RBBP6: variants seen among roughly 807,000 people sequenced by gnomAD.
RBBP6 encodes the protein RB binding protein 6, ubiquitin ligase, also known as E3 ubiquitin-protein ligase RBBP6.
Under a neutral mutation model 167.7 loss-of-function variants are expected in RBBP6, and 25 were observed. That is an observed-to-expected ratio of 0.15 (90% CI 0.11 to 0.21). The LOEUF is 0.21. Among genes scored for constraint, RBBP6 ranks in the 10% least tolerant of loss-of-function variants. The pLI is 1.00. For missense variants in RBBP6, 1,868 were observed against 2,134.2 expected (o/e 0.88, Z 2.46); for synonymous variants, 789 against 735.8 (o/e 1.07, Z -1.17).
chr16:24,558,101 A>T (rs532899018), intron 7 of RBBP6, among the ~76,000 whole-genome samples: 1 of 152,224 alleles, frequency 6.6e-6, no homozygotes, highest in African/African-American at 2.4e-5. Flanking sequence ...TTACAGACAC[A>T]ATTAAGAGCA....
At position 24,571,454 on chromosome 16, in the gene RBBP6, C is replaced by T; in HGVS notation, c.4388C>T (p.Ser1463Leu). ...AAACATGATTCCACTCGTGCTTCCTCAAATAAAGACTTCACTCCCAATAGA... is the reference window on the plus strand; with the variant it reads ...AAACATGATTCCACTCGTGCTTCCTTAAATAAAGACTTCACTCCCAATAGA... The part of the protein sequence containing the change: ...SDKHDSTRAS[S>L]NKDFTPNRDK... The change falls in exon 18 of 18, where the codon TCA becomes TTA. Residue 1463 changes from serine to leucine, a missense_variant. By Grantham distance (145) the Ser-to-Leu change is moderately radical (BLOSUM62 -2). This residue lies in a region of RBBP6 where 591 missense variants were observed against 540.5 expected (regional missense o/e 1.09). Coordinates refer to ENST00000319715, the MANE Select transcript of RBBP6 (RefSeq NM_006910.5). 5 of 1,612,768 alleles carry T rather than the reference C, an allele frequency of 3.1e-6. No homozygotes were observed. Among genetic ancestry groups the T allele is most frequent in the Middle Eastern group, 3.3e-4 (2 of 6,054 alleles).
At chr16:24,555,725 A>G in intron 5 of RBBP6, 22 bp downstream of exon 5, 1 of 1,605,462 alleles carries the variant, frequency 6.2e-7, no homozygotes, top group Non-Finnish European at 8.5e-7. Flanking sequence ...AATATTTTAT[A>G]CTAATAGGAA....
chr16:24,572,437 A>G lies in RBBP6; in HGVS notation c.5371A>G (p.Thr1791Ala), dbSNP rs2141481250. 1 of 1,524,662 alleles carries G rather than the reference A, an allele frequency of 6.6e-7. No homozygotes were observed. Among genetic ancestry groups the G allele is most frequent in the East Asian group, 2.4e-5 (1 of 40,818 alleles). 94.4% of individuals were successfully genotyped at this position (1,524,662 alleles called of 1,614,324 possible). Residue 1791 changes from threonine (T) to alanine (A), a missense_variant, in exon 18 of 18, where the codon ACT becomes GCT. Physicochemically the swap from Thr to Ala is moderately conservative, Grantham distance 58 (BLOSUM62 0). Transcript: ENST00000319715. ...EKDDQKVKSV[T>A]V ...AGATGACCAAAAAGTGAAATCTGTC[A>G]CTGTGTAAAAAGACAGATTTTTTAA...
Position 24,562,152 on chromosome 16 carries a change from G to T in RBBP6, c.1280G>T (p.Gly427Val). ...TCAGTTCATTCAGAAAAATCAGATG[G>T]ACCTTTTCGGTAAGCCTGTGTGTTT... ...SISVHSEKSD[G>V]PFRDSDNKIL... Residue 427 changes from glycine to valine, a missense_variant, in exon 10 of 18, where the codon GGA becomes GTA. By Grantham distance (109) the Gly-to-Val change is moderately radical. This residue lies in a region of RBBP6 where 245 missense variants were observed against 240.1 expected (regional missense o/e 1.02). Coordinates refer to ENST00000319715, the MANE Select transcript of RBBP6 (RefSeq NM_006910.5). The T allele has an allele frequency of 6.2e-7, 1 of 1,603,206 alleles. No homozygotes were observed.
chr16:24,542,858 AT>A (rs1156706481), intron 1 of RBBP6, among the ~76,000 whole-genome samples: 2 of 152,196 alleles, frequency 1.3e-5, no homozygotes, highest in African/African-American at 4.8e-5. Context: ...GAAATAAATG[AT>A]ACGTAATTCA....
chr16:24,551,600 C>T lies in RBBP6; in HGVS notation c.304-1913C>T, dbSNP rs950521945. Among the ~76,000 whole-genome samples the T allele has an allele frequency of 2.6e-5, 4 of 151,506 alleles. No homozygotes were observed. In the East Asian group the frequency reaches 7.7e-4, roughly 29 times the overall value. On this transcript the variant is annotated intron_variant, in intron 3 of 17. Transcript: ENST00000319715. ...TAAATACATAATACTAATAAGTTAG[C>T]AGAAAGCTTAAAAGCACACAAAAGC... is the stretch of plus-strand genomic sequence containing the variant.
chr16:24,564,288 G>A (rs1783961497), intron 13 of RBBP6, among the ~76,000 whole-genome samples: 1 of 152,098 alleles, frequency 6.6e-6, no homozygotes, highest in Admixed American at 6.6e-5. Context: ...TGAGTTACTA[G>A]CAGGATGTAT....
intron 1 of RBBP6, among the ~76,000 whole-genome samples, chr16:24,541,203 ACC>A (rs71757871): frequency 0.25 from 20,876 of 83,712 alleles, 2,357 homozygotes; most frequent in Middle Eastern, 0.32. Context: ...CAAAAAAAAA[ACC>A]AAAAAAACAA....
In RBBP6 at chr16:24,540,173, G is replaced by A. The variant is rs767048102; in HGVS notation, c.-454G>A. 1.3e-5 allele frequency: 2 copies of A among 155,638 alleles called. No homozygotes were observed. The highest frequency in any genetic ancestry group is 4.8e-5 in the African/African-American group (2 of 41,502). The allele number at this position is 155,638 out of a possible 1,614,324, so 9.6% of individuals were successfully genotyped here. Reference sequence around the variant, plus strand: ...CCTCTCCCCTCAACCTTCTCCCGGGGCCTGGGTCACCCCAATCCACGGAGA... The same window carrying A: ...CCTCTCCCCTCAACCTTCTCCCGGGACCTGGGTCACCCCAATCCACGGAGA... On this transcript the variant is annotated 5_prime_UTR_variant, in exon 1 of 18. Coordinates refer to ENST00000319715, the MANE Select transcript of RBBP6 (RefSeq NM_006910.5).
At chr16:24,551,424 C>G (rs1898792002) in intron 3 of RBBP6, among the ~76,000 whole-genome samples, 1 of 151,588 alleles carries the variant, frequency 6.6e-6, no homozygotes, top group Admixed American at 6.6e-5. Context: ...GAACACCTTG[C>G]TATATGTAGG....
At chr16:24,570,529 CT>C in intron 17 of RBBP6, 30 bp downstream of exon 17, 1 of 1,505,118 alleles carries the variant, frequency 6.6e-7, no homozygotes, top group Non-Finnish European at 8.8e-7. Flanking sequence ...GGGTGTGGAA[CT>C]TTGTTGGGAG....
rs1899072652 is a variant in RBBP6 at position 24,562,041 on chromosome 16, A to G, written c.1169A>G (p.Asn390Ser). ...CCGTCTATATCTTCATTAACTTCTA[A>G]TCAGTCTTCCTTGGCCCCTCCTGTG... ...PAPSISSLTSNQSSLAPPVSG... is the reference protein window; with the variant it reads ...PAPSISSLTSSQSSLAPPVSG... The change falls in exon 10 of 18, where the codon AAT becomes AGT. Residue 390 changes from asparagine to serine, a missense_variant. Physicochemically the swap from Asn to Ser is conservative, Grantham distance 46. This residue lies in a region of RBBP6 where 245 missense variants were observed against 240.1 expected (regional missense o/e 1.02). Transcript: ENST00000319715. The G allele has an allele frequency of 6.2e-7, 1 of 1,612,784 alleles. No homozygotes were observed. The highest frequency in any genetic ancestry group is 8.5e-7 in the Non-Finnish European group (1 of 1,178,792).
intron 1 of RBBP6, among the ~76,000 whole-genome samples, chr16:24,544,594 A>G (rs1312978260): frequency 1.3e-5 from 2 of 152,248 alleles, no homozygotes; most frequent in Non-Finnish European, 2.9e-5. Flanking sequence ...AGTAAACTTA[A>G]TGACAATAAA....
chr16:24,548,532 A>G (rs62030522), intron 2 of RBBP6, among the ~76,000 whole-genome samples: 1 of 152,108 alleles, frequency 6.6e-6, no homozygotes, highest in African/African-American at 2.4e-5. Context: ...AGGGATTCAA[A>G]TTACAAATGT....
chr16:24,563,629 T>A lies in RBBP6; in HGVS notation c.1485T>A (p.Thr495=). The change falls in exon 13 of 18, where the codon ACT becomes ACA. Residue 495 remains threonine (T), a synonymous_variant. Coordinates refer to ENST00000319715, the MANE Select transcript of RBBP6 (RefSeq NM_006910.5). ...IPTTGPVRIN[T]ARPGGGRPGW... ...TTCTAGGTCCAGTAAGAATAAATACTGCTCGTCCAGGTGGTGGTCGACCAG... is the reference window on the plus strand; with the variant it reads ...TTCTAGGTCCAGTAAGAATAAATACAGCTCGTCCAGGTGGTGGTCGACCAG... The A allele has an allele frequency of 6.2e-7, 1 of 1,612,586 alleles. No homozygotes were observed. The highest frequency in any genetic ancestry group is 8.5e-7 in the Non-Finnish European group (1 of 1,179,784).
At position 24,571,947 on chromosome 16, in the gene RBBP6, C is replaced by T. The variant is rs1303458378; in HGVS notation, c.4881C>T (p.Asp1627=). 6.2e-7 allele frequency: 1 copy of T among 1,613,764 alleles called. No homozygotes were observed. The highest frequency in any genetic ancestry group is 8.5e-7 in the Non-Finnish European group (1 of 1,179,972). ...GTCATTCCTCTAGACTTTCCTCTGA[C>T]TTAACTAGAGAAACTGATGAAGCTG... ...QLSHSSRLSS[D]LTRETDEAAF... The change falls in exon 18 of 18, where the codon GAC becomes GAT. Residue 1627 remains aspartate (D), a synonymous_variant. Coordinates refer to ENST00000319715, the MANE Select transcript of RBBP6 (RefSeq NM_006910.5).
Position 24,560,867 on chromosome 16 carries a change from T to C in RBBP6, c.848-745T>C, listed in dbSNP as rs527513298. 3.3e-5 allele frequency among the ~76,000 whole-genome samples: 5 copies of C among 152,310 alleles called. No individual in the cohort carries two copies. The East Asian group carries it at 9.6e-4, about 29-fold the overall frequency. ...GTGACTTGAGCATCTACAGACGTTA[T>C]CTTCAGAGGGTTCTGGAACCCATCC... On this transcript the variant is annotated intron_variant, in intron 8 of 17. Coordinates refer to ENST00000319715, the MANE Select transcript of RBBP6 (RefSeq NM_006910.5).
intron 1 of RBBP6, among the ~76,000 whole-genome samples, chr16:24,545,867 C>T (rs1898632359): frequency 6.6e-6 from 1 of 152,218 alleles, no homozygotes; most frequent in South Asian, 2.1e-4. Flanking sequence ...TCACCATTCA[C>T]ATGTTCAGCA....
chr16:24,559,753 A>G lies in RBBP6; in HGVS notation c.847+76A>G, dbSNP rs569799648. 230 of 1,208,786 alleles carry G rather than the reference A, an allele frequency of 1.9e-4. No homozygotes were observed. The African/African-American group carries it at 3.0e-3, about 16-fold the overall frequency. 74.9% of individuals were successfully genotyped at this position (1,208,786 alleles called of 1,614,324 possible). A position where few individuals can be genotyped will look rare whatever the true frequency, so the allele number is the denominator to read the frequency against. On this transcript the variant is annotated intron_variant, in intron 8 of 17. Coordinates refer to ENST00000319715, the MANE Select transcript of RBBP6 (RefSeq NM_006910.5). ...ACTTGGAATGGCTCTTCCCAACCTC[A>G]TATGTTTTAATAATAAAATAAATAA...
Sources: gnomAD v4.1 joint callset for allele counts (sites outside exome capture counted in the v4.1 genomes callset) on GRCh38, gnomAD v4.1.1 for gene constraint, gnomAD v4.1.1 regional missense constraint, MANE v1.5 for transcripts, NCBI Gene and HGNC (gene_info 2026-07-23, HGNC 2026-07-21) for gene names.